The following NUF2 variants were observed in gnomAD, a reference collection of about 807,000 sequenced individuals.
The protein encoded by NUF2 is kinetochore protein Nuf2.
In NUF2, 34 loss-of-function variants were observed where a neutral mutation model predicts 61.8. The ratio of observed to expected loss-of-function variants is 0.55; its 90% CI spans 0.42 to 0.73. The LOEUF (loss-of-function observed/expected upper bound fraction) is 0.73. NUF2 is among the 30% of genes least tolerant of loss of function. The pLI is 0.00. For synonymous variants in NUF2, 172 were observed against 181.6 expected (o/e 0.95, Z 0.42); for missense variants, 445 against 539.1 (o/e 0.83, Z 1.73).
chr1:163,333,380 C>A (rs1250363320), intron 5 of NUF2, among the ~76,000 whole-genome samples: 1 of 151,950 alleles, frequency 6.6e-6, no homozygotes, highest in Non-Finnish European at 1.5e-5. Context: ...GTCTTTTAAT[C>A]GGAGTCTTAG....
At chr1:163,354,311 T>A (rs963265669) in intron 13 of NUF2, among the ~76,000 whole-genome samples, 2 of 152,176 alleles carry the variant, frequency 1.3e-5, no homozygotes, top group African/African-American at 4.8e-5. Flanking sequence ...TATGTTTGGA[T>A]TTTTGGAGAA....
At position 163,355,321 on chromosome 1, in the gene NUF2, C is replaced by A; in HGVS notation, c.1261-14C>A. ...GCATGGAATAATTATTATTCTGTTTCATTTTCTACTTAGGAAATATTTCTA... is the reference window on the plus strand; with the variant it reads ...GCATGGAATAATTATTATTCTGTTTAATTTTCTACTTAGGAAATATTTCTA... On this transcript the variant is annotated splice_polypyrimidine_tract_variant and intron_variant, in intron 13 of 13. Transcript: ENST00000271452. The A allele has an allele frequency of 6.3e-7, 1 of 1,580,600 alleles. No homozygotes were observed. Among genetic ancestry groups the A allele is most frequent in the South Asian group, 1.2e-5 (1 of 85,276 alleles).
At chr1:163,325,961 A>G in intron 1 of NUF2, 71 bp from the exon 2 acceptor site, 1 of 1,186,078 alleles carries the variant, frequency 8.4e-7, no homozygotes, top group Non-Finnish European at 1.2e-6. Context: ...TTTTGTCATT[A>G]TGTTTATTAG....
In NUF2 at chr1:163,347,655, CTT is replaced by C. The variant is rs372015639; in HGVS notation, c.949-104_949-103del. On this transcript the variant is annotated intron_variant, in intron 11 of 13. Coordinates refer to ENST00000271452, the MANE Select transcript of NUF2 (RefSeq NM_145697.3). Reference sequence around the variant, plus strand: ...TTTCAGGTTTTAAAGAGTTTTGTCTCTTTTTAAATTTGTGTTTAATTATAGTT... The same window carrying C: ...TTTCAGGTTTTAAAGAGTTTTGTCTCTTTAAATTTGTGTTTAATTATAGTT... 98 of 825,606 alleles carry C rather than the reference CTT, an allele frequency of 1.2e-4. 1 individual carries two copies. The South Asian group carries it at 1.5e-3, about 13-fold the overall frequency. The allele number at this position is 825,606 out of a possible 1,614,324, so 51.1% of individuals were successfully genotyped here. A position where few individuals can be genotyped will look rare whatever the true frequency, so the allele number is the denominator to read the frequency against.
rs113811450 is a variant in NUF2, at chr1:163,348,858, G to A, written c.1125-87G>A. 2.8e-5 allele frequency: 40 copies of A among 1,419,496 alleles called. 1 individual carries two copies. In the African/African-American group the frequency reaches 3.0e-4, roughly 11 times the overall value. 87.9% of individuals were successfully genotyped at this position (1,419,496 alleles called of 1,614,324 possible). On this transcript the variant is annotated intron_variant, in intron 12 of 13. Transcript: ENST00000271452. ...TTAGGTTTGTCAAATACTGACACAT[G>A]GTCACTTTGGAATCAAAACTAGAAT...
At chr1:163,327,105 C>A (rs201485089) in intron 2 of NUF2, among the ~76,000 whole-genome samples, 1,327 of 18,390 alleles carry the variant, frequency 0.072, 13 homozygotes, top group South Asian at 0.21. Flanking sequence ...TGTTCACACA[C>A]ACACACACAC....
chr1:163,324,414 T>G (rs926267081), intron 1 of NUF2, among the ~76,000 whole-genome samples: 1 of 152,204 alleles, frequency 6.6e-6, no homozygotes, highest in African/African-American at 2.4e-5. Context: ...CATGTTCAAG[T>G]TGAATTGGGA....
chr1:163,340,444 T>C lies in NUF2; in HGVS notation c.669+18T>C. 2.5e-6 allele frequency: 4 copies of C among 1,583,332 alleles called. No individual in the cohort carries two copies. The highest frequency in any genetic ancestry group is 2.6e-6 in the Non-Finnish European group (3 of 1,155,026). On this transcript the variant is annotated intron_variant, in intron 9 of 13. Transcript: ENST00000271452. Reference sequence around the variant, plus strand: ...AGCGTTTGGTAAACATCTTTTCTTTTCACTAGCATTTAAAGTTTGAATATA... The same window carrying C: ...AGCGTTTGGTAAACATCTTTTCTTTCCACTAGCATTTAAAGTTTGAATATA...
At chr1:163,341,120 A>G (rs994255948) in intron 9 of NUF2, among the ~76,000 whole-genome samples, 2 of 152,124 alleles carry the variant, frequency 1.3e-5, no homozygotes, top group Non-Finnish European at 2.9e-5. Flanking sequence ...CCCTTTCCCT[A>G]TACCCTTGCC....
intron 3 of NUF2, chr1:163,327,816 A>G: frequency 2.3e-6 from 1 of 442,622 alleles, no homozygotes; most frequent in Non-Finnish European, 4.0e-6. Context: ...CATTGATGCA[A>G]TGCAATTGTT....
chr1:163,322,806 C>T (rs1317718002), intron 1 of NUF2: 1 of 152,222 alleles, frequency 6.6e-6, no homozygotes, highest in Non-Finnish European at 1.5e-5. Context: ...ATCTTTGCTA[C>T]TCGTTAGACA....
chr1:163,336,298 T>C (rs933004404), intron 5 of NUF2, among the ~76,000 whole-genome samples: 1 of 152,156 alleles, frequency 6.6e-6, no homozygotes, highest in Non-Finnish European at 1.5e-5. Context: ...AACTCTAAAC[T>C]CTGTCTTCTT....
At chr1:163,347,472 A>C (rs1417531852) in intron 11 of NUF2, among the ~76,000 whole-genome samples, 1 of 152,112 alleles carries the variant, frequency 6.6e-6, no homozygotes, top group Admixed American at 6.5e-5. Context: ...TTTAGTTCAG[A>C]TCCTAACCCC....
chr1:163,349,534 CT>C (rs201197688), intron 13 of NUF2, among the ~76,000 whole-genome samples: 5 of 151,344 alleles, frequency 3.3e-5, no homozygotes, highest in Non-Finnish European at 7.4e-5. Context: ...CCCTTAGCCT[CT>C]TTTTTTTTCA....
At position 163,338,034 on chromosome 1, in the gene NUF2, C is replaced by A. The variant is rs1483830672; in HGVS notation, c.450C>A (p.Asp150Glu). ...EFLWQYKSSA[D>E]KMQQLNAAHQ... The stretch of plus-strand genomic sequence containing the variant: ...TGCTTTAATAGAAATCCTCTGCGGA[C>A]AAAATGCAACAGTTAAACGCCGCAC... The change falls in exon 7 of 14, where the codon GAC (aspartate) becomes GAA (glutamate). Residue 150 changes from aspartate to glutamate, a missense_variant. Asp to Glu is a conservative substitution (Grantham distance 45). Coordinates refer to ENST00000271452, the MANE Select transcript of NUF2 (RefSeq NM_145697.3). 1.9e-6 allele frequency: 3 copies of A among 1,612,766 alleles called. No homozygotes were observed. The Admixed American group carries it at 5.0e-5, about 27-fold the overall frequency.
At chr1:163,355,027 T>C (rs1651442447) in intron 13 of NUF2, among the ~76,000 whole-genome samples, 2 of 152,056 alleles carry the variant, frequency 1.3e-5, no homozygotes, top group South Asian at 2.1e-4. Context: ...ATGTTTAACA[T>C]GGAAAGCTCT....
intron 5 of NUF2, among the ~76,000 whole-genome samples, chr1:163,335,781 T>C (rs1650739330): frequency 6.6e-6 from 1 of 152,190 alleles, no homozygotes; most frequent in Non-Finnish European, 1.5e-5. Flanking sequence ...GATATTGTAT[T>C]CATTTTTTTC....
intron 10 of NUF2, among the ~76,000 whole-genome samples, chr1:163,345,090 A>G (rs1056635007): frequency 2.0e-5 from 3 of 152,166 alleles, no homozygotes; most frequent in Non-Finnish European, 4.4e-5. Flanking sequence ...TACGGTGCAT[A>G]TGACAGGTAG....
At chr1:163,329,591 G>T (rs1282053212) in intron 5 of NUF2, among the ~76,000 whole-genome samples, 2 of 152,154 alleles carry the variant, frequency 1.3e-5, no homozygotes, top group Non-Finnish European at 2.9e-5. Context: ...GCCAGAGGGA[G>T]CAAAAGCACA....
Sources: gnomAD v4.1 joint callset for allele counts (sites outside exome capture counted in the v4.1 genomes callset) on GRCh38, gnomAD v4.1.1 for gene constraint, MANE v1.5 for transcripts, NCBI Gene and HGNC (gene_info 2026-07-23, HGNC 2026-07-21) for gene names.